MYH13: variants seen among roughly 807,000 people sequenced by gnomAD.
MYH13 encodes the protein myosin-13.
In MYH13, 177 loss-of-function variants were observed where a neutral mutation model predicts 232.1. The ratio of observed to expected loss-of-function variants is 0.76; its 90% CI spans 0.67 to 0.86. The LOEUF (loss-of-function observed/expected upper bound fraction) is 0.86, where lower values mean the gene tolerates loss of function less well. MYH13 is among the 40% of genes least tolerant of loss of function. The probability of loss-of-function intolerance (pLI) is 0.00; values close to 1 mark genes in which losing one functional copy is unlikely to be tolerated. For synonymous variants in MYH13, 884 were observed against 923.5 expected, an observed-to-expected ratio of 0.96 and a Z score of 0.78; for missense variants, 2,246 against 2,405.9, an observed-to-expected ratio of 0.93 and a Z score of 1.39.
Position 10,312,616 on chromosome 17 carries a change from G to A in MYH13, c.4323C>T (p.Thr1441=), listed in dbSNP as rs779258921. The change falls in exon 31 of 41, where the codon ACC becomes ACT. Residue 1441 remains threonine (T), a synonymous_variant. Transcript: ENST00000252172. ...DLMRDLERSH[T]ACATLDKKQR... ...GCTTCTTGTCCAGTGTGGCACAGGC[G>A]GTGTGGGAGCGCTCCAGATCCCGCA... 49 of 1,613,220 alleles carry A rather than the reference G, an allele frequency of 3.0e-5. No individual in the cohort carries two copies. The highest frequency in any genetic ancestry group is 8.3e-5 in the Admixed American group (5 of 59,938).
Position 10,343,914 on chromosome 17 carries a change from C to T in MYH13, c.1780G>A (p.Gly594Ser), listed in dbSNP as rs1049578588. 16 of 1,614,102 alleles carry T rather than the reference C, an allele frequency of 9.9e-6. 1 individual carries two copies. Among genetic ancestry groups the T allele is most frequent in the South Asian group, 3.3e-5 (3 of 91,080 alleles). Residue 594 changes from glycine to serine, a missense_variant, in exon 16 of 41, where the codon GGC becomes AGC. Transcript: ENST00000252172. ...GGGTCCTTGTTTTTGTCCAGCCAGC[C>T]GGCGATGTTGTAGTCCACGGTGCCG... is the stretch of plus-strand genomic sequence containing the variant. ...YAGTVDYNIA[G>S]WLDKNKDPLN...
rs2071583944 is a variant in MYH13, at chr17:10,337,475, C to G, written c.2056+2675G>C. ...GATTTGGGAGAACAACTAGCAAGCC[C>G]CGTATGTGCCTGTGGGTGGGGAGGG... On this transcript the variant is annotated intron_variant, in intron 18 of 40. Coordinates refer to ENST00000252172, the MANE Select transcript of MYH13 (RefSeq NM_003802.3). Among the ~76,000 whole-genome samples, 3 of 152,122 alleles carry G rather than the reference C, an allele frequency of 2.0e-5. No homozygotes were observed. In the South Asian group the frequency reaches 6.2e-4, roughly 32 times the overall value.
At chr17:10,349,907 T>G (rs1246802657) in intron 12 of MYH13, among the ~76,000 whole-genome samples, 1 of 152,178 alleles carries the variant, frequency 6.6e-6, no homozygotes, top group Non-Finnish European at 1.5e-5. Flanking sequence ...TTGCCAGGCT[T>G]TAATTCAAGG....
Position 10,309,450 on chromosome 17 carries a change from C to A in MYH13, c.4966-13G>T, listed in dbSNP as rs1233648409. On this transcript the variant is annotated splice_polypyrimidine_tract_variant and intron_variant, in intron 34 of 40. Transcript: ENST00000252172. ...GCAGCTGGGAGTCCTGCAGGGGAGA[C>A]CCAGAGTGAGGCCAGAGCCGCCTGG... 1.3e-6 allele frequency: 2 copies of A among 1,599,722 alleles called. No individual in the cohort carries two copies. The highest frequency in any genetic ancestry group is 1.7e-6 in the Non-Finnish European group (2 of 1,172,638).
Position 10,309,233 on chromosome 17 carries a change from C to G in MYH13, c.5169+1G>C. 1 of 1,612,890 alleles carries G rather than the reference C, an allele frequency of 6.2e-7. No individual in the cohort carries two copies. On this transcript the variant is annotated splice_donor_variant, in intron 35 of 40. Transcript: ENST00000252172. LOFTEE classifies it high-confidence loss of function. Reference sequence around the variant, plus strand: ...CAGCGGAGGAGTGAGGGCCGACGCACCTGGGAGTGCAGGAGCTGCACGCGG... The same window carrying G: ...CAGCGGAGGAGTGAGGGCCGACGCAGCTGGGAGTGCAGGAGCTGCACGCGG...
At chr17:10,369,519 T>C (rs1445767382) in intron 2 of MYH13, among the ~76,000 whole-genome samples, 1 of 152,204 alleles carries the variant, frequency 6.6e-6, no homozygotes, top group Non-Finnish European at 1.5e-5. Flanking sequence ...AAATATTAAG[T>C]AAATTGACAG....
At chr17:10,332,036 C>G (rs1236663634) in intron 20 of MYH13, 63 bp downstream of exon 20, 20 of 1,582,624 alleles carry the variant, frequency 1.3e-5, no homozygotes, top group Non-Finnish European at 1.6e-5. Context: ...TTTTTCTGAT[C>G]AGCTAAGAAG....
chr17:10,339,065 G>A (rs543007302), intron 18 of MYH13, among the ~76,000 whole-genome samples: 1 of 152,252 alleles, frequency 6.6e-6, no homozygotes, highest in African/African-American at 2.4e-5. Context: ...TTAGGATCAC[G>A]TGGTAATAGG....
chr17:10,343,986 G>T lies in MYH13; in HGVS notation c.1708C>A (p.Pro570Thr). 10 of 1,614,226 alleles carry T rather than the reference G, an allele frequency of 6.2e-6. No individual in the cohort carries two copies. Among genetic ancestry groups the T allele is most frequent in the Non-Finnish European group, 8.5e-6 (10 of 1,180,048 alleles). The change falls in exon 16 of 41, where the codon CCT becomes ACT. Residue 570 changes from proline (P) to threonine (T), a missense_variant. Pro to Thr is a conservative substitution (Grantham distance 38, BLOSUM62 -1). Transcript: ENST00000252172. ...GKSNNFQKPK[P>T]AKGKAEAHFS... ...TGAGCCTCAGCCTTGCCTTTGGCAG[G>T]CTTGGGCTTCTGGAAGTTGTTGGAT... is the stretch of plus-strand genomic sequence containing the variant.
At chr17:10,312,865 T>G (rs1203182756) in intron 30 of MYH13, 108 bp from the exon 31 acceptor site, 5 of 1,292,394 alleles carry the variant, frequency 3.9e-6, no homozygotes, top group Non-Finnish European at 5.2e-6. Flanking sequence ...TGGTGTTTGA[T>G]GAGACCAAGA....
intron 16 of MYH13, 63 bp downstream of exon 16, chr17:10,343,737 G>A: frequency 6.8e-7 from 1 of 1,477,620 alleles, no homozygotes; most frequent in Non-Finnish European, 9.0e-7. Flanking sequence ...TTCACAAGCA[G>A]CTCTGGGTTA....
rs777944342 is a variant in MYH13 at position 10,309,260 on chromosome 17, C to T, written c.5143G>A (p.Asp1715Asn). Reference protein sequence around the residue: ...LSEQELLDASDRVQLLHSQNT... With the variant: ...LSEQELLDASNRVQLLHSQNT... ...TGGGAGTGCAGGAGCTGCACGCGGT[C>T]GCTGGCGTCCAGCAGCTCCTGCTCT... The change falls in exon 35 of 41, where the codon GAC becomes AAC. Residue 1715 changes from aspartate to asparagine, a missense_variant. By Grantham distance (23) the Asp-to-Asn change is conservative. Transcript: ENST00000252172. 6 of 1,613,450 alleles carry T rather than the reference C, an allele frequency of 3.7e-6. No individual in the cohort carries two copies. The South Asian group carries it at 5.5e-5, about 15-fold the overall frequency.
intron 7 of MYH13, 88 bp downstream of exon 7, chr17:10,359,872 G>T: frequency 1.7e-6 from 2 of 1,206,244 alleles, no homozygotes; most frequent in African/African-American, 1.5e-5. Flanking sequence ...TTTCTACTGA[G>T]CGCATACCCT....
At chr17:10,332,035 T>G in intron 20 of MYH13, 64 bp downstream of exon 20, 1 of 1,585,380 alleles carries the variant, frequency 6.3e-7, no homozygotes, top group Non-Finnish European at 8.6e-7. Flanking sequence ...CTTTTTCTGA[T>G]CAGCTAAGAA....
chr17:10,322,648 T>G (rs1218650184), intron 23 of MYH13, among the ~76,000 whole-genome samples: 1 of 149,498 alleles, frequency 6.7e-6, no homozygotes, highest in African/African-American at 2.5e-5. Context: ...TTTTTTTTTT[T>G]TTTGAGAGGG....
At position 10,346,727 on chromosome 17, in the gene MYH13, C is replaced by T; in HGVS notation, c.1216G>A (p.Val406Met). 6.2e-7 allele frequency: 1 copy of T among 1,614,028 alleles called. No individual in the cohort carries two copies. Among genetic ancestry groups the T allele is most frequent in the Non-Finnish European group, 8.5e-7 (1 of 1,179,874 alleles). The change falls in exon 13 of 41, where the codon GTG (valine) becomes ATG (methionine). Residue 406 changes from valine to methionine, a missense_variant. Transcript: ENST00000252172. ...EMLKGLCCPR[V>M]KVGNEYVTKG... Reference sequence around the variant, plus strand: ...GTGACATATTCATTGCCAACCTTCACCCTTGGACAGCACAGGCCCTTCAGC... The same window carrying T: ...GTGACATATTCATTGCCAACCTTCATCCTTGGACAGCACAGGCCCTTCAGC...
At chr17:10,350,867 G>T in intron 11 of MYH13, 173 bp from the exon 12 acceptor site, 1 of 786,470 alleles carries the variant, frequency 1.3e-6, no homozygotes, top group South Asian at 1.4e-5. Flanking sequence ...TCACGTGTTT[G>T]TGTGGGTGGG....
chr17:10,314,272 G>A (rs963208034), intron 29 of MYH13, among the ~76,000 whole-genome samples: 3 of 151,940 alleles, frequency 2.0e-5, no homozygotes, highest in Non-Finnish European at 4.4e-5. Flanking sequence ...ATACAAAACC[G>A]GGCATGGTGG....
chr17:10,352,604 A>C (rs1055871321), intron 11 of MYH13, among the ~76,000 whole-genome samples: 6 of 151,634 alleles, frequency 4.0e-5, no homozygotes, highest in African/African-American at 1.4e-4. Flanking sequence ...AACAAAAAAC[A>C]AAAAACCAAA....
Sources: gnomAD v4.1 joint callset for allele counts (sites outside exome capture counted in the v4.1 genomes callset) on GRCh38, gnomAD v4.1.1 for gene constraint, MANE v1.5 for transcripts, NCBI Gene and HGNC (gene_info 2026-07-23, HGNC 2026-07-21) for gene names.